BLTP1: variants seen among roughly 807,000 people sequenced by gnomAD.
The protein encoded by BLTP1 is bridge-like lipid transfer protein family member 1, also known as fragile site-associated protein.
chr4:122,207,985 A>G, the BLTP1 span: 12 of 985,000 alleles, frequency 1.2e-5, no homozygotes, highest in East Asian at 1.1e-4. Context: ...AATTGTAAAC[A>G]TGAATTCAAG....
At chr4:122,346,899 A>C in the BLTP1 span, 1 of 1,410,048 alleles carries the variant, frequency 7.1e-7, no homozygotes, top group African/African-American at 1.4e-5. Context: ...GGCCCCTCTA[A>C]TATGCCAACC....
the BLTP1 span, among the ~76,000 whole-genome samples, chr4:122,216,610 ATT>A: frequency 3.3e-5 from 5 of 151,732 alleles, no homozygotes; most frequent in African/African-American, 1.2e-4. Context: ...TGATGGGATT[ATT>A]TGTTTTTTCC....
the BLTP1 span, chr4:122,226,557 C>A: frequency 9.6e-6 from 14 of 1,454,508 alleles, no homozygotes; most frequent in African/African-American, 1.6e-4. Flanking sequence ...AGAAAAAAAT[C>A]ATTGGCTAAC....
At chr4:122,230,153 C>T in the BLTP1 span, 1 of 1,614,084 alleles carries the variant, frequency 6.2e-7, no homozygotes, top group East Asian at 2.2e-5. Context: ...TGCTGACCAT[C>T]ATTCTAAACA....
the BLTP1 span, chr4:122,340,981 C>G: frequency 4.1e-6 from 1 of 242,470 alleles, no homozygotes; most frequent in South Asian, 1.5e-4. Flanking sequence ...TGCTATGTAA[C>G]TTTTTAAAAT....
the BLTP1 span, among the ~76,000 whole-genome samples, chr4:122,358,314 T>A: frequency 7.9e-5 from 12 of 152,210 alleles, no homozygotes; most frequent in Non-Finnish European, 1.5e-5. Context: ...TTGGTCTTGG[T>A]CTGCCACAAA....
chr4:122,277,434 A>G, the BLTP1 span: 1 of 982,896 alleles, frequency 1.0e-6, no homozygotes, highest in African/African-American at 1.7e-5. Context: ...TATCTGTGGA[A>G]TTCCACAGTT....
chr4:122,307,649 A>C, the BLTP1 span: 1 of 985,112 alleles, frequency 1.0e-6, no homozygotes, highest in Non-Finnish European at 1.2e-6. Context: ...TTGTTATTCC[A>C]TCCCAGTATC....
the BLTP1 span, chr4:122,211,096 G>T: frequency 1.2e-6 from 2 of 1,607,322 alleles, no homozygotes; most frequent in Non-Finnish European, 1.7e-6. Flanking sequence ...GTGTATAAAG[G>T]TATGATTCTT....
the BLTP1 span, chr4:122,187,844 C>G: frequency 6.6e-7 from 1 of 1,515,212 alleles, no homozygotes; most frequent in Non-Finnish European, 8.7e-7. Context: ...AGAAATATGG[C>G]CAGAATAGCA....
chr4:122,174,090 C>A, the BLTP1 span: 2 of 523,038 alleles, frequency 3.8e-6, no homozygotes, highest in Non-Finnish European at 4.9e-6. Context: ...AAGCCCTAAA[C>A]CAGTGGGAGA....
the BLTP1 span, among the ~76,000 whole-genome samples, chr4:122,290,323 T>C: frequency 1.3e-5 from 2 of 152,216 alleles, no homozygotes; most frequent in African/African-American, 4.8e-5. Flanking sequence ...TAAAATTCCT[T>C]TCTGCCACTG....
chr4:122,314,849 T>A, the BLTP1 span, among the ~76,000 whole-genome samples: 4 of 152,130 alleles, frequency 2.6e-5, no homozygotes, highest in African/African-American at 9.7e-5. Flanking sequence ...AGACTACAGT[T>A]AAACTTAGGA....
At chr4:122,219,595 G>A in the BLTP1 span, 1 of 1,520,580 alleles carries the variant, frequency 6.6e-7, no homozygotes, top group Non-Finnish European at 9.1e-7. Context: ...AAAGTAGTCT[G>A]GAATATATTA....
the BLTP1 span, chr4:122,310,893 C>T: frequency 4.4e-6 from 4 of 914,074 alleles, no homozygotes; most frequent in Non-Finnish European, 5.2e-6. Context: ...TATGGAAATA[C>T]TCATGCCTAT....
the BLTP1 span, chr4:122,226,919 A>G: frequency 9.7e-7 from 1 of 1,034,970 alleles, no homozygotes; most frequent in Non-Finnish European, 1.4e-6. Context: ...TTCAAGTCAA[A>G]TACACATAGC....
At chr4:122,273,115 T>G in the BLTP1 span, 1 of 631,484 alleles carries the variant, frequency 1.6e-6, no homozygotes, top group Non-Finnish European at 2.0e-6. Flanking sequence ...TTTTTTCTGG[T>G]TGTGAAAATA....
the BLTP1 span, chr4:122,333,921 C>A: frequency 7.5e-7 from 1 of 1,331,168 alleles, no homozygotes; most frequent in Non-Finnish European, 1.0e-6. Context: ...TTAGTGACTT[C>A]TTTGTCTAAT....
chr4:122,322,154 T>C, the BLTP1 span, among the ~76,000 whole-genome samples: 1 of 151,704 alleles, frequency 6.6e-6, no homozygotes, highest in Non-Finnish European at 1.5e-5. Flanking sequence ...TTTCTGGTAT[T>C]CCATTACACA....
Sources: allele counts gnomAD v4.1 joint callset (sites outside exome capture counted in the v4.1 genomes callset), GRCh38; gene constraint gnomAD v4.1.1; transcripts MANE v1.5; gene names NCBI Gene and HGNC (gene_info 2026-07-23, HGNC 2026-07-21).